Variants in GMPS observed in about 807,000 individuals in gnomAD.
GMPS encodes the protein guanosine monophosphate synthase.
GMPS carries 15 observed loss-of-function variants against 77.9 expected under a neutral mutation model. That is an observed-to-expected ratio of 0.19 (90% CI 0.13 to 0.30). The LOEUF (loss-of-function observed/expected upper bound fraction) is 0.30. Among genes scored for constraint, GMPS ranks in the 10% least tolerant of loss-of-function variants. The pLI is 1.00. For missense variants in GMPS, 590 were observed against 838.8 expected (o/e 0.70, Z 3.66); for synonymous variants, 224 against 275.9 (o/e 0.81, Z 1.86).
chr3:155,935,058 A>T lies in GMPS; in HGVS notation c.1807+12A>T. 6.3e-7 allele frequency: 1 copy of T among 1,598,096 alleles called. No individual in the cohort carries two copies. Among genetic ancestry groups the T allele is most frequent in the Non-Finnish European group, 8.6e-7 (1 of 1,165,476 alleles). ...TCTCAGGGAGTCTGGTAAGTTGCTC[A>T]TGTTTTTGATTACTACCCTCTGAAA... On this transcript the variant is annotated intron_variant, in intron 14 of 15. Transcript: ENST00000496455.
chr3:155,914,032 C>T (rs553348540), intron 7 of GMPS, among the ~76,000 whole-genome samples: 8 of 152,052 alleles, frequency 5.3e-5, no homozygotes, highest in South Asian at 2.1e-4. Context: ...CTGCAAGCTC[C>T]GCCTCCCGGG....
chr3:155,904,465 T>G (rs1351974002), intron 4 of GMPS, among the ~76,000 whole-genome samples: 1 of 151,946 alleles, frequency 6.6e-6, no homozygotes, highest in African/African-American at 2.4e-5. Flanking sequence ...AATTTTTGTA[T>G]TTTTAGTAGA....
rs1490328265 is a variant in GMPS at position 155,941,173 on chromosome 3, G to A, written c.*3481G>A. On this transcript the variant is annotated 3_prime_UTR_variant, in exon 16 of 16. Coordinates refer to ENST00000496455, the MANE Select transcript of GMPS (RefSeq NM_003875.3). Reference sequence around the variant, plus strand: ...TAATCCCAGCACTTTGGGAGGCCGAGGTGGGTGGATCACGAGATCAGGAGA... The same window carrying A: ...TAATCCCAGCACTTTGGGAGGCCGAAGTGGGTGGATCACGAGATCAGGAGA... 5.6e-6 allele frequency: 1 copy of A among 178,716 alleles called. No homozygotes were observed. Among genetic ancestry groups the A allele is most frequent in the Non-Finnish European group, 1.2e-5 (1 of 83,470 alleles). 11.1% of individuals were successfully genotyped at this position (178,716 alleles called of 1,614,324 possible).
chr3:155,909,583 A>G (rs747158130), intron 5 of GMPS, among the ~76,000 whole-genome samples: 7 of 152,196 alleles, frequency 4.6e-5, no homozygotes, highest in Admixed American at 3.9e-4. Flanking sequence ...ATAGCAATGT[A>G]GTTTTTGTCT....
intron 1 of GMPS, among the ~76,000 whole-genome samples, chr3:155,876,490 G>T (rs1426315154): frequency 6.6e-6 from 1 of 152,228 alleles, no homozygotes; most frequent in South Asian, 2.1e-4. Context: ...ATAGCCGAAG[G>T]TGGTATTAGA....
chr3:155,911,190 T>A lies in GMPS; in HGVS notation c.797T>A (p.Ile266Asn). 2.5e-6 allele frequency: 4 copies of A among 1,612,832 alleles called. No homozygotes were observed. The highest frequency in any genetic ancestry group is 3.4e-6 in the Non-Finnish European group (4 of 1,178,872). The stretch of plus-strand genomic sequence containing the variant: ...CGTGCTTTGAACCAAGAACAAGTCA[T>A]TGCTGTGCACATTGATAATGGCTTT... ...LNRALNQEQV[I>N]AVHIDNGFMR... is the part of the protein sequence containing the mutation. Residue 266 changes from isoleucine (I) to asparagine (N), a missense_variant, in exon 7 of 16, where the codon ATT becomes AAT. By Grantham distance (149) the Ile-to-Asn change is moderately radical. Transcript: ENST00000496455.
chr3:155,920,086 CTTAT>C, intron 10 of GMPS, among the ~76,000 whole-genome samples: 1 of 152,240 alleles, frequency 6.6e-6, no homozygotes, highest in East Asian at 1.9e-4. Flanking sequence ...ATTTTATTGT[CTTAT>C]TTAATCTTCA....
At chr3:155,892,295 A>G (rs1458425396) in intron 1 of GMPS, among the ~76,000 whole-genome samples, 4 of 152,170 alleles carry the variant, frequency 2.6e-5, no homozygotes, top group African/African-American at 7.2e-5. Flanking sequence ...CATGCTTCCT[A>G]TAAGTGGATT....
Position 155,942,843 on chromosome 3 carries a change from G to A in GMPS, c.*5151G>A. ...CATCAACACATAAATCCTGTCATTTGGGTATTATTCTTTAGAGAACTAGAG... is the reference window on the plus strand; with the variant it reads ...CATCAACACATAAATCCTGTCATTTAGGTATTATTCTTTAGAGAACTAGAG... On this transcript the variant is annotated 3_prime_UTR_variant, in exon 16 of 16. Transcript: ENST00000496455. 4.7e-6 allele frequency: 1 copy of A among 213,214 alleles called. No homozygotes were observed. The highest frequency in any genetic ancestry group is 9.5e-6 in the Non-Finnish European group (1 of 105,466). The allele number at this position is 213,214 out of a possible 1,614,324, so 13.2% of individuals were successfully genotyped here.
chr3:155,896,573 G>A (rs919666584), intron 2 of GMPS, among the ~76,000 whole-genome samples: 2 of 150,556 alleles, frequency 1.3e-5, no homozygotes, highest in African/African-American at 4.9e-5. Context: ...TTCTCTCACT[G>A]TTTTGGTTTT....
At chr3:155,878,084 CT>C (rs1754100949) in intron 1 of GMPS, among the ~76,000 whole-genome samples, 1 of 152,074 alleles carries the variant, frequency 6.6e-6, no homozygotes. Flanking sequence ...CCTAGGGCCT[CT>C]TTTATAAGGG....
intron 1 of GMPS, among the ~76,000 whole-genome samples, chr3:155,872,117 C>T (rs1350371799): frequency 6.6e-6 from 1 of 152,182 alleles, no homozygotes; most frequent in Non-Finnish European, 1.5e-5. Flanking sequence ...TGCTCTACGT[C>T]AGATAGTAGT....
At position 155,877,724 on chromosome 3, in the gene GMPS, C is replaced by T. The variant is rs114728218; in HGVS notation, c.27+6827C>T. ...GAGAAGTTCAAAATCAAGGGACCTG[C>T]AGATTCAGTGCCTGGTGAGGGCCCA... On this transcript the variant is annotated intron_variant, in intron 1 of 15. Transcript: ENST00000496455. Among the ~76,000 whole-genome samples the T allele has an allele frequency of 4.1e-3, 629 of 151,782 alleles. 7 individuals are homozygous for T. The highest frequency in any genetic ancestry group is 0.015 in the African/African-American group (611 of 41,362).
intron 12 of GMPS, among the ~76,000 whole-genome samples, chr3:155,927,893 A>G (rs974105403): frequency 1.6e-4 from 24 of 151,854 alleles, no homozygotes; most frequent in African/African-American, 5.8e-4. Context: ...TATGCATACC[A>G]TCATTTATTT....
Position 155,911,562 on chromosome 3 carries a change from C to T in GMPS, c.886+283C>T, listed in dbSNP as rs192565506. ...TTAAAATTATCTTTTCCTGGCCAGG[C>T]GCGGTGGCTCACGCCTATAATCCCA... On this transcript the variant is annotated intron_variant, in intron 7 of 15. Transcript: ENST00000496455. Among the ~76,000 whole-genome samples the T allele has an allele frequency of 6.2e-4, 94 of 152,188 alleles. 4 individuals are homozygous for T. Among genetic ancestry groups the T allele is most frequent in the African/African-American group, 2.0e-3 (82 of 41,524 alleles).
intron 13 of GMPS, among the ~76,000 whole-genome samples, chr3:155,932,295 C>G (rs1300208134): frequency 1.3e-5 from 2 of 151,702 alleles, no homozygotes; most frequent in Non-Finnish European, 2.9e-5. Flanking sequence ...CACACACACA[C>G]ACACACACAC....
intron 7 of GMPS, among the ~76,000 whole-genome samples, chr3:155,911,839 C>CA (rs200105245): frequency 0.031 from 2,376 of 75,576 alleles, 67 homozygotes; most frequent in African/African-American, 0.1. Flanking sequence ...AACTCCATCT[C>CA]AAAAAAAAAA....
At chr3:155,897,648 A>G (rs1754634257) in intron 2 of GMPS, among the ~76,000 whole-genome samples, 2 of 152,220 alleles carry the variant, frequency 1.3e-5, no homozygotes, top group Admixed American at 1.3e-4. Flanking sequence ...TAAGTATCAC[A>G]GATAGAAACA....
At chr3:155,931,132 G>A (rs1253818802) in intron 12 of GMPS, among the ~76,000 whole-genome samples, 1 of 150,384 alleles carries the variant, frequency 6.6e-6, no homozygotes, top group Non-Finnish European at 1.5e-5. Context: ...GGCCTTGTCT[G>A]CCAAATTAAA....
Sources: gnomAD v4.1 joint callset for allele counts (sites outside exome capture counted in the v4.1 genomes callset) on GRCh38, gnomAD v4.1.1 for gene constraint, MANE v1.5 for transcripts, NCBI Gene and HGNC (gene_info 2026-07-23, HGNC 2026-07-21) for gene names.